DNAH14: variants seen among roughly 807,000 people sequenced by gnomAD.
DNAH14 encodes dynein axonemal heavy chain 14, also known as axonemal beta dynein heavy chain 14.
DNAH14 carries 478 observed loss-of-function variants against 520.9 expected under a neutral mutation model. That is an observed-to-expected ratio of 0.92 (90% CI 0.85 to 0.99). The LOEUF is 0.99. DNAH14 is among the 50% of genes least tolerant of loss of function. The pLI is 0.00. For missense variants in DNAH14, 4,831 were observed against 5,234.5 expected (o/e 0.92, Z 2.38); for synonymous variants, 1,581 against 1,757.2 (o/e 0.90, Z 2.51).
intron 12 of DNAH14, among the ~76,000 whole-genome samples, chr1:225,040,876 C>T (rs535852076): frequency 2.0e-5 from 3 of 152,326 alleles, no homozygotes; most frequent in African/African-American, 7.2e-5. Context: ...TACTAATCCT[C>T]ATCAATATTT....
At chr1:224,988,855 C>T (rs2062837086) in intron 8 of DNAH14, among the ~76,000 whole-genome samples, 1 of 152,164 alleles carries the variant, frequency 6.6e-6, no homozygotes, top group African/African-American at 2.4e-5. Context: ...CTGTGTTTCA[C>T]AGGCTCATCT....
intron 81 of DNAH14, among the ~76,000 whole-genome samples, chr1:225,385,484 C>T (rs1186960884): frequency 1.3e-5 from 2 of 152,112 alleles, no homozygotes; most frequent in Non-Finnish European, 2.9e-5. Flanking sequence ...AAAACCCCAT[C>T]GTCTCAGCCC....
At chr1:225,191,861 A>G (rs900848426) in intron 37 of DNAH14, among the ~76,000 whole-genome samples, 2 of 151,700 alleles carry the variant, frequency 1.3e-5, no homozygotes, top group African/African-American at 4.8e-5. Flanking sequence ...TATTTCAACT[A>G]TTTTATTTTT....
At chr1:225,306,221 G>A (rs6665657) in intron 58 of DNAH14, among the ~76,000 whole-genome samples, 1,740 of 152,264 alleles carry the variant, frequency 0.011, 28 homozygotes, top group African/African-American at 0.039. Context: ...TTAAGTTTTC[G>A]TTAACAAGGT....
intron 8 of DNAH14, among the ~76,000 whole-genome samples, chr1:224,981,098 G>A (rs929225466): frequency 6.6e-6 from 1 of 152,094 alleles, no homozygotes; most frequent in Non-Finnish European, 1.5e-5. Context: ...TTATTGACTT[G>A]GATATGTTAA....
chr1:225,231,226 T>C, intron 42 of DNAH14, 75 bp downstream of exon 42: 1 of 942,928 alleles, frequency 1.1e-6, no homozygotes, highest in Non-Finnish European at 1.5e-6. Context: ...ACAGGATTAC[T>C]TCTCAATAAA....
intron 60 of DNAH14, among the ~76,000 whole-genome samples, chr1:225,317,644 G>T (rs981787157): frequency 6.6e-6 from 1 of 152,000 alleles, no homozygotes; most frequent in Non-Finnish European, 1.5e-5. Context: ...AGTATAGCAG[G>T]TTTAGAATAG....
At chr1:225,342,079 C>T (rs895112517) in intron 69 of DNAH14, among the ~76,000 whole-genome samples, 1 of 152,136 alleles carries the variant, frequency 6.6e-6, no homozygotes, top group Non-Finnish European at 1.5e-5. Context: ...TTATAATGTC[C>T]ACTTCTGATT....
rs1448529991 is a variant in DNAH14, at chr1:225,337,431, G to A, written c.10246G>A (p.Glu3416Lys). 5.8e-6 allele frequency: 9 copies of A among 1,551,692 alleles called. No individual in the cohort carries two copies. The South Asian group carries it at 9.5e-5, about 16-fold the overall frequency. Residue 3416 changes from glutamate to lysine, a missense_variant, in exon 67 of 86, where the codon GAA becomes AAA. Glu to Lys is a moderately conservative substitution (Grantham distance 56). Transcript: ENST00000682510. ...EGSRLQKLSI[E>K]DSNYTKKIEN... ...ATCCAGGCTGCAGAAGCTCTCCATTGAAGACAGCAATTATACCAAAAAAAT... is the reference window on the plus strand; with the variant it reads ...ATCCAGGCTGCAGAAGCTCTCCATTAAAGACAGCAATTATACCAAAAAAAT...
rs2094212279 is a variant in DNAH14, at chr1:225,305,037, G to A, written c.8953G>A (p.Glu2985Lys). The change falls in exon 58 of 86, where the codon GAA (glutamate) becomes AAA (lysine). Residue 2985 changes from glutamate to lysine, a missense_variant. By Grantham distance (56) the Glu-to-Lys change is moderately conservative (BLOSUM62 1). Coordinates refer to ENST00000682510, the MANE Select transcript of DNAH14 (RefSeq NM_001367479.1). ...TTPNSYLQFM[E>K]TFAHILRARE... is the part of the protein sequence containing the mutation. ...TCCCAATAGCTACTTGCAATTTATG[G>A]AAACATTTGCACACATTTTGAGGGC... The A allele has an allele frequency of 6.5e-7, 1 of 1,544,516 alleles. No individual in the cohort carries two copies. The highest frequency in any genetic ancestry group is 1.4e-5 in the African/African-American group (1 of 72,608).
intron 62 of DNAH14, among the ~76,000 whole-genome samples, 162 bp from the exon 63 acceptor site, chr1:225,324,060 C>A (rs1030598829): frequency 1.3e-5 from 2 of 152,174 alleles, no homozygotes; most frequent in African/African-American, 4.8e-5. Context: ...TGGTGACCCA[C>A]CCACCTCGAC....
chr1:225,214,558 G>T (rs2088995983), intron 41 of DNAH14, among the ~76,000 whole-genome samples: 1 of 152,124 alleles, frequency 6.6e-6, no homozygotes, highest in Non-Finnish European at 1.5e-5. Context: ...TGGTTGGTAG[G>T]CTATTAACTA....
chr1:225,033,989 A>G (rs2066742289), intron 11 of DNAH14, among the ~76,000 whole-genome samples: 1 of 151,768 alleles, frequency 6.6e-6, no homozygotes, highest in Admixed American at 6.6e-5. Context: ...CTATAGGTAA[A>G]GAATCATGTT....
chr1:225,108,081 A>G (rs1433955618), intron 23 of DNAH14, among the ~76,000 whole-genome samples: 1 of 152,200 alleles, frequency 6.6e-6, no homozygotes, highest in Non-Finnish European at 1.5e-5. Flanking sequence ...CCATCTAATC[A>G]GCTACCAGTG....
At chr1:225,165,850 G>T (rs1219541145) in intron 35 of DNAH14, among the ~76,000 whole-genome samples, 1 of 152,040 alleles carries the variant, frequency 6.6e-6, no homozygotes, top group East Asian at 1.9e-4. Context: ...CTCCCAAAGT[G>T]CTGGGGTTAC....
At chr1:225,398,456 C>T (rs1434285593) in intron 84 of DNAH14, 64 bp from the exon 85 acceptor site, 13 of 1,529,690 alleles carry the variant, frequency 8.5e-6, no homozygotes, top group East Asian at 2.5e-5. Context: ...CAATTCCGGA[C>T]GGAGCCTCCA....
At chr1:225,321,405 A>G (rs2094553280) in intron 61 of DNAH14, among the ~76,000 whole-genome samples, 1 of 152,196 alleles carries the variant, frequency 6.6e-6, no homozygotes, top group Admixed American at 6.5e-5. Context: ...CAACCTGCAC[A>G]TGTACTCCTG....
intron 17 of DNAH14, among the ~76,000 whole-genome samples, chr1:225,061,200 A>C (rs573250842): frequency 6.6e-6 from 1 of 152,178 alleles, no homozygotes; most frequent in Non-Finnish European, 1.5e-5. Context: ...TACCTACTCA[A>C]GCCTCGGCAA....
At chr1:225,086,684 A>G (rs2073843626) in intron 21 of DNAH14, among the ~76,000 whole-genome samples, 1 of 152,118 alleles carries the variant, frequency 6.6e-6, no homozygotes, top group African/African-American at 2.4e-5. Context: ...AAATAAACCA[A>G]ATGGACTTTA....
Sources: allele counts gnomAD v4.1 joint callset (sites outside exome capture counted in the v4.1 genomes callset), GRCh38; gene constraint gnomAD v4.1.1; transcripts MANE v1.5; gene names NCBI Gene and HGNC (gene_info 2026-07-23, HGNC 2026-07-21).